Variants in TRAPPC10 observed in about 807,000 individuals in gnomAD.
The protein encoded by TRAPPC10 is TRAPP 130 kDa subunit.
A neutral mutation model predicts 125.5 loss-of-function variants in TRAPPC10; 23 were observed. That is an observed-to-expected ratio of 0.18 (90% confidence interval 0.13 to 0.26). The LOEUF (loss-of-function observed/expected upper bound fraction) is 0.26, where lower values mean the gene tolerates loss of function less well. TRAPPC10 is among the 10% of genes least tolerant of loss of function. The probability of loss-of-function intolerance (pLI) is 1.00; values close to 1 mark genes in which losing one functional copy is unlikely to be tolerated. For missense variants in TRAPPC10, 1,123 were observed against 1,308.4 expected (o/e 0.86, Z 2.19); for synonymous variants, 509 against 518.0 (o/e 0.98, Z 0.24).
At chr21:44,064,230 A>G (rs8127450) in intron 7 of TRAPPC10, among the ~76,000 whole-genome samples, 2,633 of 152,312 alleles carry the variant, frequency 0.017, 76 homozygotes, top group African/African-American at 0.059. Context: ...GCAGGTAGCA[A>G]TGTGAGTGAC....
intron 1 of TRAPPC10, among the ~76,000 whole-genome samples, chr21:44,024,824 T>G (rs1353748400): frequency 6.6e-6 from 1 of 152,222 alleles, no homozygotes; most frequent in Non-Finnish European, 1.5e-5. Context: ...TTCTGTCCTC[T>G]CCATGCTAAC....
intron 5 of TRAPPC10, among the ~76,000 whole-genome samples, chr21:44,057,725 T>C (rs1319678813): frequency 6.6e-6 from 1 of 152,226 alleles, no homozygotes; most frequent in Non-Finnish European, 1.5e-5. Context: ...TCAACATAAC[T>C]TAGCAGTTTC....
At chr21:44,019,060 G>C (rs1444312265) in intron 1 of TRAPPC10, among the ~76,000 whole-genome samples, 2 of 151,748 alleles carry the variant, frequency 1.3e-5, no homozygotes, top group African/African-American at 2.4e-5. Context: ...GAAGATTACA[G>C]GGTCTTTTTT....
chr21:44,025,559 G>A (rs1035728498), intron 1 of TRAPPC10, among the ~76,000 whole-genome samples: 2 of 152,128 alleles, frequency 1.3e-5, no homozygotes, highest in African/African-American at 4.8e-5. Context: ...GGCTAGAGAA[G>A]GCAACTTGTT....
chr21:44,075,279 C>A, intron 9 of TRAPPC10, 126 bp downstream of exon 9: 1 of 651,852 alleles, frequency 1.5e-6, no homozygotes, highest in Non-Finnish European at 2.7e-6. Flanking sequence ...AAAATTATAC[C>A]CATTGTTAGC....
At chr21:44,018,278 G>A (rs905188953) in intron 1 of TRAPPC10, among the ~76,000 whole-genome samples, 2 of 152,034 alleles carry the variant, frequency 1.3e-5, no homozygotes, top group African/African-American at 2.4e-5. Flanking sequence ...GGTGGTGTGC[G>A]CTTGTACTCC....
chr21:44,023,211 T>C (rs1482052046), intron 1 of TRAPPC10, among the ~76,000 whole-genome samples: 2 of 151,570 alleles, frequency 1.3e-5, no homozygotes, highest in Non-Finnish European at 2.9e-5. Flanking sequence ...TTTTTGTATT[T>C]TTAGTAGAGA....
intron 6 of TRAPPC10, among the ~76,000 whole-genome samples, chr21:44,062,247 A>G (rs2036111367): frequency 6.6e-6 from 1 of 152,266 alleles, no homozygotes. Flanking sequence ...CTTTCATTCA[A>G]CAAATACTTA....
At chr21:44,070,940 T>G (rs1192835530) in intron 7 of TRAPPC10, among the ~76,000 whole-genome samples, 1 of 152,178 alleles carries the variant, frequency 6.6e-6, no homozygotes, top group Non-Finnish European at 1.5e-5. Context: ...GGGGTAACAT[T>G]GCAAATAGCT....
At chr21:44,095,372 C>T (rs923222684) in intron 20 of TRAPPC10, among the ~76,000 whole-genome samples, 7 of 151,254 alleles carry the variant, frequency 4.6e-5, no homozygotes, top group African/African-American at 1.2e-4. Flanking sequence ...CAGCCTCCTG[C>T]GTAGCTGGGA....
At chr21:44,077,893 T>C in intron 11 of TRAPPC10, 109 bp downstream of exon 11, 1 of 769,006 alleles carries the variant, frequency 1.3e-6, no homozygotes. Context: ...GACTGAAAAG[T>C]GTAGATTCTC....
At position 44,087,037 on chromosome 21, in the gene TRAPPC10, C is replaced by G. The variant is rs908267093; in HGVS notation, c.2539+77C>G. 4.6e-6 allele frequency: 7 copies of G among 1,535,706 alleles called. No homozygotes were observed. In the African/African-American group the frequency reaches 8.2e-5, roughly 18 times the overall value. ...TGTGTGGGTGTGAGGGTGAGCCTGG[C>G]CTTGCTGCCATCCTGCTGAGCGCCC... is the stretch of plus-strand genomic sequence containing the variant. On this transcript the variant is annotated intron_variant, in intron 16 of 22. Transcript: ENST00000291574. The surrounding 1 kb of genome is among the most constrained non-coding windows in gnomAD (Gnocchi z 4.6).
chr21:44,023,297 A>G (rs1287379880), intron 1 of TRAPPC10, among the ~76,000 whole-genome samples: 1 of 151,828 alleles, frequency 6.6e-6, no homozygotes, highest in East Asian at 1.9e-4. Flanking sequence ...AGCCTCCCAA[A>G]GTGCTGGGAT....
rs1027344688 is a variant in TRAPPC10 at position 44,076,565 on chromosome 21, G to T, written c.1314G>T (p.Gln438His). 4 of 1,613,968 alleles carry T rather than the reference G, an allele frequency of 2.5e-6. No individual in the cohort carries two copies. The African/African-American group carries it at 5.3e-5, about 22-fold the overall frequency. Residue 438 changes from glutamine (Q) to histidine (H), a missense_variant, in exon 10 of 23, where the codon CAG becomes CAT. Gln to His is a conservative substitution (Grantham distance 24). Transcript: ENST00000291574. ...AERPETANTA[Q>H]SPYKKLKEAL... ...TTTCTGTTTAAGCCAACACAGCTCA[G>T]AGTCCTTATAAGAAACTGAAAGAAG...
chr21:44,032,454 C>G (rs184415109), intron 2 of TRAPPC10, among the ~76,000 whole-genome samples: 230 of 144,912 alleles, frequency 1.6e-3, no homozygotes, highest in Non-Finnish European at 2.4e-3. Context: ...GCAATCTCGG[C>G]TCACTGCAAC....
intron 3 of TRAPPC10, among the ~76,000 whole-genome samples, chr21:44,051,631 G>A (rs1377515736): frequency 6.6e-6 from 1 of 152,232 alleles, no homozygotes; most frequent in South Asian, 2.1e-4. Flanking sequence ...TTTCTGGGAT[G>A]GCACGGCTCC....
intron 14 of TRAPPC10, 47 bp from the exon 15 acceptor site, chr21:44,084,075 G>A: frequency 1.2e-6 from 2 of 1,609,996 alleles, no homozygotes; most frequent in African/African-American, 1.3e-5. Context: ...GAAGCTAACT[G>A]CAAAACTGGG....
chr21:44,090,458 A>G lies in TRAPPC10; in HGVS notation c.2870+525A>G, dbSNP rs545902851. The stretch of plus-strand genomic sequence containing the variant: ...GTTGAGCAGCACCCCAGGCTCTCCC[A>G]TGAGATGCCAGTAGCACTCCCCACC... On this transcript the variant is annotated intron_variant, in intron 18 of 22. Coordinates refer to ENST00000291574, the MANE Select transcript of TRAPPC10 (RefSeq NM_003274.5). 1.3e-4 allele frequency among the ~76,000 whole-genome samples: 20 copies of G among 152,314 alleles called. No individual in the cohort carries two copies. The South Asian group carries it at 3.9e-3, about 30-fold the overall frequency.
At chr21:44,079,439 C>A in intron 11 of TRAPPC10, 125 bp from the exon 12 acceptor site, 1 of 1,092,922 alleles carries the variant, frequency 9.1e-7, no homozygotes, top group Non-Finnish European at 1.3e-6. Flanking sequence ...AAAGGGCTAT[C>A]TAGAGATGTT....
Sources: gnomAD v4.1 joint callset for allele counts (sites outside exome capture counted in the v4.1 genomes callset) on GRCh38, gnomAD v4.1.1 for gene constraint, Gnocchi (gnomAD v3.1) non-coding constraint, MANE v1.5 for transcripts, NCBI Gene and HGNC (gene_info 2026-07-23, HGNC 2026-07-21) for gene names.